RPH3AL: variants seen among roughly 807,000 people sequenced by gnomAD.
RPH3AL encodes the protein rab effector Noc2.
A neutral mutation model predicts 43.1 loss-of-function variants in RPH3AL; 38 were observed. That is an observed-to-expected ratio of 0.88 (90% CI 0.68 to 1.15). The LOEUF (loss-of-function observed/expected upper bound fraction) is 1.15. Ranked by LOEUF, RPH3AL falls within the 50% of genes most tolerant of loss-of-function variation. The pLI is 0.00. For missense variants in RPH3AL, 462 were observed against 423.2 expected (o/e 1.09, Z -0.81); for synonymous variants, 189 against 176.3 (o/e 1.07, Z -0.57).
rs78316163 is a variant in RPH3AL at position 309,624 on chromosome 17, C to T, written c.351+9796G>A. On this transcript the variant is annotated intron_variant, in intron 5 of 9. Transcript: ENST00000331302. ...CCTGCTGGGGGTCCAGGATATGGCA[C>T]ATCCCCCGTCCAGGGCTCCTGCCAG... Among the ~76,000 whole-genome samples the T allele has an allele frequency of 4.7e-3, 423 of 90,334 alleles. 68 individuals carry two copies. The highest frequency in any genetic ancestry group is 8.7e-3 in the East Asian group (26 of 2,992). 59.3% of individuals were successfully genotyped at this position (90,334 alleles called of 152,430 possible). A position where few individuals can be genotyped will look rare whatever the true frequency, so the allele number is the denominator to read the frequency against.
rs968442381 is a variant in RPH3AL at position 231,685 on chromosome 17, C to A, written c.614-11949G>T. 3.3e-5 allele frequency among the ~76,000 whole-genome samples: 5 copies of A among 152,384 alleles called. No homozygotes were observed. The South Asian group carries it at 1.0e-3, about 32-fold the overall frequency. ...CAGGCACACACGGGAGCTCTGCACA[C>A]CAAAAGCAAGCCAGAGGCTGGCCCT... On this transcript the variant is annotated intron_variant, in intron 7 of 9. Coordinates refer to ENST00000331302, the MANE Select transcript of RPH3AL (RefSeq NM_006987.4).
chr17:336,908 C>T (rs1598159497), intron 1 of RPH3AL, among the ~76,000 whole-genome samples: 1 of 152,276 alleles, frequency 6.6e-6, no homozygotes, highest in East Asian at 1.9e-4. Context: ...AGCACCACCT[C>T]CCCTGGGAAT....
At position 253,844 on chromosome 17, in the gene RPH3AL, G is replaced by A. The variant is rs1306071747; in HGVS notation, c.439-6559C>T. On this transcript the variant is annotated intron_variant, in intron 6 of 9. Coordinates refer to ENST00000331302, the MANE Select transcript of RPH3AL (RefSeq NM_006987.4). Reference sequence around the variant, plus strand: ...CTACGTACTTCCTATGAGGGGAGCCGCACGGCGTCTGTCCTGTTCCATCCC... The same window carrying A: ...CTACGTACTTCCTATGAGGGGAGCCACACGGCGTCTGTCCTGTTCCATCCC... 6.9e-5 allele frequency among the ~76,000 whole-genome samples: 5 copies of A among 72,882 alleles called. 1 individual carries two copies. The highest frequency in any genetic ancestry group is 2.8e-4 in the African/African-American group (5 of 17,958). The allele number at this position is 72,882 out of a possible 152,430, so 47.8% of individuals were successfully genotyped here.
chr17:250,957 C>A (rs1318972747), intron 6 of RPH3AL, among the ~76,000 whole-genome samples: 1 of 152,240 alleles, frequency 6.6e-6, no homozygotes, highest in Non-Finnish European at 1.5e-5. Flanking sequence ...CAGGGTTATC[C>A]CAGAGGGCAA....
At chr17:343,809 T>C (rs2045178957) in intron 1 of RPH3AL, among the ~76,000 whole-genome samples, 1 of 152,150 alleles carries the variant, frequency 6.6e-6, no homozygotes, top group Admixed American at 6.5e-5. Context: ...TTATCCAGCC[T>C]AAACGCCAAA....
intron 4 of RPH3AL, 90 bp downstream of exon 4, chr17:321,182 C>G: frequency 6.8e-7 from 1 of 1,477,626 alleles, no homozygotes. Context: ...ATAGCAAAAC[C>G]AGGACCCGGA....
At chr17:350,566 G>A (rs3934766) in intron 1 of RPH3AL, among the ~76,000 whole-genome samples, 29,950 of 152,050 alleles carry the variant, frequency 0.2, 3,635 homozygotes, top group East Asian at 0.32. Flanking sequence ...AGCCGAGATC[G>A]CACCAGTGCA....
rs907768021 is a variant in RPH3AL at position 285,850 on chromosome 17, C to T, written c.352-3996G>A. Among the ~76,000 whole-genome samples, 4 of 152,186 alleles carry T rather than the reference C, an allele frequency of 2.6e-5. No homozygotes were observed. In the East Asian group the frequency reaches 7.7e-4, roughly 29 times the overall value. On this transcript the variant is annotated intron_variant, in intron 5 of 9. Coordinates refer to ENST00000331302, the MANE Select transcript of RPH3AL (RefSeq NM_006987.4). ...ATGCACTCATGTGCCTGCCCCTCAG[C>T]GCGGCTCTATCTCCACCCCCATCCC...
At chr17:308,157 G>A (rs538985169) in intron 5 of RPH3AL, among the ~76,000 whole-genome samples, 1 of 152,356 alleles carries the variant, frequency 6.6e-6, no homozygotes, top group Non-Finnish European at 1.5e-5. Context: ...AGGACATTGT[G>A]AGGCCAATTT....
rs1471263480 is a variant in RPH3AL at position 289,151 on chromosome 17, C to A, written c.352-7297G>T. Among the ~76,000 whole-genome samples the A allele has an allele frequency of 6.6e-6, 1 of 152,160 alleles. No homozygotes were observed. Among genetic ancestry groups the A allele is most frequent in the African/African-American group, 2.4e-5 (1 of 41,414 alleles). On this transcript the variant is annotated intron_variant, in intron 5 of 9. Coordinates refer to ENST00000331302, the MANE Select transcript of RPH3AL (RefSeq NM_006987.4). This position sits in a 1 kb window ranked among gnomAD's most constrained non-coding sequence, Gnocchi z 5.2. ...CGCCTTCTGAGCCTCACTTCCTCAT[C>A]TGTAAGTTGGTGGTAACAGGCCCCC... is the stretch of plus-strand genomic sequence containing the variant.
chr17:249,084 G>A (rs887754227), intron 6 of RPH3AL, among the ~76,000 whole-genome samples: 12 of 152,172 alleles, frequency 7.9e-5, no homozygotes, highest in Admixed American at 7.9e-4. Flanking sequence ...AGCAGCTGCT[G>A]AGTTAAGGTC....
At chr17:263,640 G>T (rs782751596) in intron 6 of RPH3AL, among the ~76,000 whole-genome samples, 1 of 152,226 alleles carries the variant, frequency 6.6e-6, no homozygotes, top group African/African-American at 2.4e-5. Context: ...AGGTCGACTC[G>T]TGGGGAGCTG....
At chr17:241,919 C>A (rs2041547920) in intron 7 of RPH3AL, among the ~76,000 whole-genome samples, 1 of 152,152 alleles carries the variant, frequency 6.6e-6, no homozygotes, top group African/African-American at 2.4e-5. Flanking sequence ...GGGTTTGAGG[C>A]TAGCCTGGCC....
intron 7 of RPH3AL, among the ~76,000 whole-genome samples, chr17:243,884 G>C (rs2041664970): frequency 7.2e-6 from 1 of 139,758 alleles, no homozygotes. Context: ...TTCCTCTACT[G>C]ATTACACTTC....
At chr17:268,772 C>T (rs2042385012) in intron 6 of RPH3AL, among the ~76,000 whole-genome samples, 1 of 152,024 alleles carries the variant, frequency 6.6e-6, no homozygotes, top group Non-Finnish European at 1.5e-5. Flanking sequence ...CCATGTTACC[C>T]AGACTGGTCT....
intron 3 of RPH3AL, 53 bp downstream of exon 3, chr17:327,414 G>A: frequency 6.8e-7 from 1 of 1,469,104 alleles, no homozygotes; most frequent in Non-Finnish European, 9.5e-7. Flanking sequence ...AGACAGGAGA[G>A]GAGCAGGGAG....
intron 5 of RPH3AL, among the ~76,000 whole-genome samples, chr17:285,154 ATCG>A (rs2042876258): frequency 6.6e-6 from 1 of 152,156 alleles, no homozygotes; most frequent in South Asian, 2.1e-4. Flanking sequence ...AAATGGGAGC[ATCG>A]TCGTGTCTCT....
intron 2 of RPH3AL, chr17:332,328 T>C (rs9909914): frequency 0.19 from 37,043 of 194,256 alleles, 4,511 homozygotes; most frequent in East Asian, 0.48. Context: ...AATGAGCACA[T>C]AGGTCAAGGC....
chr17:226,512 T>G (rs182291231), intron 7 of RPH3AL, among the ~76,000 whole-genome samples: 1 of 152,138 alleles, frequency 6.6e-6, no homozygotes, highest in Non-Finnish European at 1.5e-5. Flanking sequence ...TAAACACCAC[T>G]CGAAAGAAAT....
Sources: gnomAD v4.1 joint callset for allele counts (sites outside exome capture counted in the v4.1 genomes callset) on GRCh38, gnomAD v4.1.1 for gene constraint, Gnocchi (gnomAD v3.1) non-coding constraint, MANE v1.5 for transcripts, NCBI Gene and HGNC (gene_info 2026-07-23, HGNC 2026-07-21) for gene names.